The following PPARG variants were observed in gnomAD, a reference collection of about 807,000 sequenced individuals.
The protein encoded by PPARG is peroxisome proliferator activated receptor gamma.
A neutral mutation model predicts 39.2 loss-of-function variants in PPARG; 17 were observed. The observed-to-expected ratio is 0.43, with a 90% CI of 0.30 to 0.65. The LOEUF (loss-of-function observed/expected upper bound fraction) is 0.65, where lower values mean the gene tolerates loss of function less well. Among genes scored for constraint, PPARG ranks in the 30% least tolerant of loss-of-function variants. PPARG has a pLI of 0.13. For missense variants in PPARG, 406 were observed against 585.9 expected (o/e 0.69, Z 3.17); for synonymous variants, 223 against 215.7 (o/e 1.03, Z -0.30).
intron 2 of PPARG, among the ~76,000 whole-genome samples, chr3:12,365,433 A>T (rs1454451260): frequency 6.6e-6 from 1 of 152,156 alleles, no homozygotes; most frequent in African/African-American, 2.4e-5. Flanking sequence ...CTGGTGGTGT[A>T]TCTAAAAAGT....
chr3:12,371,770 C>A, intron 2 of PPARG: 1 of 567,076 alleles, frequency 1.8e-6, no homozygotes, highest in East Asian at 4.0e-5. Flanking sequence ...CCAGGAAACC[C>A]TGAGCAGGTC....
intron 4 of PPARG, among the ~76,000 whole-genome samples, chr3:12,382,499 CG>C: frequency 6.6e-6 from 1 of 152,024 alleles, no homozygotes. Context: ...TTTTATTCAA[CG>C]TAAAGATACA....
intron 1 of PPARG, among the ~76,000 whole-genome samples, chr3:12,293,939 G>T (rs2046714900): frequency 6.6e-6 from 1 of 152,138 alleles, no homozygotes; most frequent in African/African-American, 2.4e-5. Context: ...TCTTTGAATT[G>T]AAATTTAAAA....
intron 2 of PPARG, among the ~76,000 whole-genome samples, chr3:12,329,913 T>C (rs1405420318): frequency 6.6e-6 from 1 of 152,208 alleles, no homozygotes; most frequent in Non-Finnish European, 1.5e-5. Context: ...GTATGGCTTA[T>C]TTCATTTAGC....
intron 7 of PPARG, among the ~76,000 whole-genome samples, chr3:12,429,588 AAGG>A (rs926881643): frequency 6.7e-6 from 1 of 148,826 alleles, no homozygotes; most frequent in Non-Finnish European, 1.5e-5. Context: ...CAGGTGGAGG[AAGG>A]AGGAGCTGCA....
At chr3:12,334,760 G>C (rs1191332104) in intron 2 of PPARG, among the ~76,000 whole-genome samples, 1 of 152,062 alleles carries the variant, frequency 6.6e-6, no homozygotes, top group African/African-American at 2.4e-5. Context: ...GTCCTGCATT[G>C]TTCCAGTAGA....
intron 2 of PPARG, among the ~76,000 whole-genome samples, chr3:12,363,721 C>A (rs1441703942): frequency 6.6e-6 from 1 of 152,162 alleles, no homozygotes; most frequent in Non-Finnish European, 1.5e-5. Flanking sequence ...ATTACACACT[C>A]TTCTGGATCA....
chr3:12,406,212 A>G (rs2050661252), intron 6 of PPARG, 131 bp downstream of exon 6: 2 of 941,768 alleles, frequency 2.1e-6, no homozygotes, highest in Non-Finnish European at 3.4e-6. Context: ...CTGTTAACAT[A>G]TTGCAGGCTG....
At chr3:12,386,303 TCATGAAC>T (rs1380057057) in intron 4 of PPARG, among the ~76,000 whole-genome samples, 1 of 33,486 alleles carries the variant, frequency 3.0e-5, no homozygotes, top group Non-Finnish European at 5.4e-5. Context: ...CACTTGGTTA[TCATGAAC>T]TCGGTGTAAA....
intron 4 of PPARG, among the ~76,000 whole-genome samples, chr3:12,381,739 G>A (rs1003779358): frequency 1.9e-5 from 2 of 107,526 alleles, no homozygotes; most frequent in Non-Finnish European, 3.9e-5. Flanking sequence ...TAAGAAAGTG[G>A]ATAAAAGTTG....
intron 6 of PPARG, among the ~76,000 whole-genome samples, chr3:12,412,105 C>T (rs998210291): frequency 3.9e-5 from 6 of 152,190 alleles, no homozygotes; most frequent in African/African-American, 9.6e-5. Flanking sequence ...CCCAGAATAC[C>T]CTGTGCTTTT....
intron 2 of PPARG, among the ~76,000 whole-genome samples, chr3:12,316,555 C>T (rs1247111013): frequency 6.6e-6 from 1 of 151,750 alleles, no homozygotes; most frequent in Non-Finnish European, 1.5e-5. Flanking sequence ...TGAATGCACA[C>T]TTAAAATGGT....
intron 1 of PPARG, among the ~76,000 whole-genome samples, chr3:12,309,766 A>C (rs976057980): frequency 6.6e-6 from 1 of 152,158 alleles, no homozygotes; most frequent in African/African-American, 2.4e-5. Context: ...AGTCTGAGTA[A>C]ACTGCCCTTG....
rs757962540 is a variant in PPARG at position 12,372,052 on chromosome 3, T to A, written c.-8-7652T>A. 16 of 718,784 alleles carry A rather than the reference T, an allele frequency of 2.2e-5. No individual in the cohort carries two copies. In the Admixed American group the frequency reaches 3.2e-4, roughly 14 times the overall value. 44.5% of individuals were successfully genotyped at this position (718,784 alleles called of 1,614,324 possible). A position where few individuals can be genotyped will look rare whatever the true frequency, so the allele number is the denominator to read the frequency against. ...GAGAAGGGATTGAAAAATCGGCGGT[T>A]AAGTGTCTTTTAAGGTCATTTCCAA... On this transcript the variant is annotated intron_variant, in intron 2 of 7. Transcript: ENST00000651735.
At chr3:12,396,673 G>C (rs192402214) in intron 5 of PPARG, among the ~76,000 whole-genome samples, 1 of 150,496 alleles carries the variant, frequency 6.6e-6, no homozygotes, top group African/African-American at 2.5e-5. Context: ...TGGGAAGATC[G>C]CTTTAGCCCA....
chr3:12,423,821 G>T (rs1480858757), intron 7 of PPARG, among the ~76,000 whole-genome samples: 2 of 152,210 alleles, frequency 1.3e-5, no homozygotes. Flanking sequence ...CTCTTTTCTT[G>T]TAATATTGCA....
At chr3:12,337,606 T>C (rs1485999966) in intron 2 of PPARG, among the ~76,000 whole-genome samples, 1 of 152,174 alleles carries the variant, frequency 6.6e-6, no homozygotes, top group African/African-American at 2.4e-5. Flanking sequence ...AGAGCAGAGC[T>C]GTTGCGACTT....
chr3:12,405,757 C>G, intron 5 of PPARG, 125 bp from the exon 6 acceptor site: 1 of 934,856 alleles, frequency 1.1e-6, no homozygotes. Flanking sequence ...AGACAGAAAC[C>G]AGGACTCAAG....
At chr3:12,424,763 C>T (rs1056101544) in intron 7 of PPARG, among the ~76,000 whole-genome samples, 3 of 152,142 alleles carry the variant, frequency 2.0e-5, no homozygotes, top group African/African-American at 7.2e-5. Context: ...TTGCAAAGCC[C>T]TGGAATCAGA....
Sources: allele counts gnomAD v4.1 joint callset (sites outside exome capture counted in the v4.1 genomes callset), GRCh38; gene constraint gnomAD v4.1.1; transcripts MANE v1.5; gene names NCBI Gene and HGNC (gene_info 2026-07-23, HGNC 2026-07-21).